Variants in FMN1 observed in about 807,000 individuals in gnomAD.
The protein encoded by FMN1 is formin-1.
In FMN1, 110 loss-of-function variants were observed where a neutral mutation model predicts 132.4. That is an observed-to-expected ratio of 0.83 (90% CI 0.71 to 0.97). FMN1 has a LOEUF of 0.97. Ranked by LOEUF, FMN1 falls within the 50% of genes least tolerant of loss-of-function variation. The pLI, the probability that FMN1 is intolerant of heterozygous loss-of-function variation, is 0.00. For missense variants in FMN1, 1,792 were observed against 1,705.3 expected, an observed-to-expected ratio of 1.05 and a Z score of -0.90; for synonymous variants, 722 against 651.7, an observed-to-expected ratio of 1.11 and a Z score of -1.64.
chr15:32,932,939 G>A (rs2061157596), intron 9 of FMN1, among the ~76,000 whole-genome samples: 1 of 151,822 alleles, frequency 6.6e-6, no homozygotes, highest in South Asian at 2.1e-4. Context: ...AAACCAACTC[G>A]GTTGTGTTGA....
At chr15:33,151,170 T>G in intron 4 of FMN1, 1 of 1,488,852 alleles carries the variant, frequency 6.7e-7, no homozygotes, top group South Asian at 1.3e-5. Context: ...CCCTCATGCC[T>G]TTCAAAGTAG....
intron 9 of FMN1, among the ~76,000 whole-genome samples, chr15:32,941,273 G>C (rs2061395314): frequency 6.6e-6 from 1 of 152,176 alleles, no homozygotes; most frequent in Admixed American, 6.5e-5. Flanking sequence ...GAGAGTGTAA[G>C]TATTTGTAAG....
intron 6 of FMN1, among the ~76,000 whole-genome samples, chr15:33,022,230 T>C (rs1433347205): frequency 6.6e-6 from 1 of 152,206 alleles, no homozygotes; most frequent in African/African-American, 2.4e-5. Context: ...ATGTTTCCAA[T>C]CTGAGGCTAG....
chr15:32,906,073 G>A (rs1333889990), intron 12 of FMN1, among the ~76,000 whole-genome samples: 1 of 152,194 alleles, frequency 6.6e-6, no homozygotes, highest in South Asian at 2.1e-4. Flanking sequence ...AGTAAGTTGT[G>A]TGTTAATTAC....
chr15:33,134,695 T>G (rs1963688994), intron 4 of FMN1, among the ~76,000 whole-genome samples: 1 of 152,180 alleles, frequency 6.6e-6, no homozygotes, highest in Non-Finnish European at 1.5e-5. Context: ...CTATCTCACT[T>G]TTTCTGAAAA....
intron 8 of FMN1, among the ~76,000 whole-genome samples, chr15:32,966,207 T>C (rs1371989516): frequency 6.6e-6 from 1 of 152,112 alleles, no homozygotes; most frequent in Non-Finnish European, 1.5e-5. Flanking sequence ...GTCAGGCCAG[T>C]GTAACTAGTA....
chr15:33,043,392 C>T (rs34184682), intron 6 of FMN1, among the ~76,000 whole-genome samples: 3,764 of 152,290 alleles, frequency 0.025, 64 homozygotes, highest in African/African-American at 0.03. Context: ...AGACAAATGC[C>T]GAGCTGTAAC....
At chr15:33,059,424 C>T (rs1054403074) in intron 6 of FMN1, among the ~76,000 whole-genome samples, 1 of 152,144 alleles carries the variant, frequency 6.6e-6, no homozygotes, top group Non-Finnish European at 1.5e-5. Context: ...AGTGTGATTA[C>T]TCGGTCATTT....
At chr15:32,990,828 A>T (rs2033389684) in intron 7 of FMN1, among the ~76,000 whole-genome samples, 1 of 152,168 alleles carries the variant, frequency 6.6e-6, no homozygotes, top group South Asian at 2.1e-4. Context: ...GAAGAATGAG[A>T]GTCAAGCAAA....
At chr15:32,780,025 C>T (rs1271970207) in intron 19 of FMN1, among the ~76,000 whole-genome samples, 1 of 152,202 alleles carries the variant, frequency 6.6e-6, no homozygotes, top group African/African-American at 2.4e-5. Context: ...ATTCTCAGCC[C>T]TATCACTTAT....
At chr15:33,142,284 G>A (rs1312227431) in intron 4 of FMN1, among the ~76,000 whole-genome samples, 1 of 152,104 alleles carries the variant, frequency 6.6e-6, no homozygotes, top group African/African-American at 2.4e-5. Flanking sequence ...CAGAAACTGA[G>A]GTCCCTGATG....
intron 17 of FMN1, among the ~76,000 whole-genome samples, chr15:32,848,972 C>CTTTTT (rs1224231827): frequency 5.8e-5 from 4 of 68,604 alleles, no homozygotes; most frequent in Admixed American, 1.8e-4. Flanking sequence ...GGTTAGTTCT[C>CTTTTT]TTTTGTTTTT....
At chr15:33,118,136 A>G (rs1319923927) in intron 4 of FMN1, among the ~76,000 whole-genome samples, 2 of 152,212 alleles carry the variant, frequency 1.3e-5, no homozygotes, top group African/African-American at 4.8e-5. Flanking sequence ...TGGAATGCCA[A>G]TACACCACAA....
chr15:32,978,299 T>G (rs886406585), intron 7 of FMN1, among the ~76,000 whole-genome samples: 6 of 152,300 alleles, frequency 3.9e-5, no homozygotes, highest in South Asian at 2.1e-4. Flanking sequence ...GGTTTATACT[T>G]GAGACACAAA....
At chr15:33,040,313 T>C (rs2036372048) in intron 6 of FMN1, among the ~76,000 whole-genome samples, 1 of 152,182 alleles carries the variant, frequency 6.6e-6, no homozygotes, top group South Asian at 2.1e-4. Context: ...ACTCTTTCTA[T>C]AACCGCACCT....
At chr15:33,057,493 C>T (rs1271359264) in intron 6 of FMN1, among the ~76,000 whole-genome samples, 2 of 152,172 alleles carry the variant, frequency 1.3e-5, no homozygotes, top group South Asian at 2.1e-4. Context: ...TTAAAATTAT[C>T]ATTACCCTCC....
At chr15:33,119,421 G>C (rs928526802) in intron 4 of FMN1, among the ~76,000 whole-genome samples, 2 of 152,166 alleles carry the variant, frequency 1.3e-5, no homozygotes, top group Non-Finnish European at 2.9e-5. Context: ...GGAGAATGTG[G>C]GGGATGTGCC....
chr15:32,955,967 T>C (rs11633193), intron 9 of FMN1, among the ~76,000 whole-genome samples: 1 of 152,010 alleles, frequency 6.6e-6, no homozygotes, highest in East Asian at 1.9e-4. Context: ...AATGATTTTT[T>C]TTCTGCTAAT....
intron 6 of FMN1, among the ~76,000 whole-genome samples, chr15:33,036,157 C>T (rs1321992762): frequency 1.3e-5 from 2 of 152,168 alleles, no homozygotes; most frequent in African/African-American, 2.4e-5. Context: ...CGACATACAA[C>T]AGGCTAAAAC....
Sources: gnomAD v4.1 joint callset for allele counts (sites outside exome capture counted in the v4.1 genomes callset) on GRCh38, gnomAD v4.1.1 for gene constraint, MANE v1.5 for transcripts, NCBI Gene and HGNC (gene_info 2026-07-23, HGNC 2026-07-21) for gene names.